Variants in ADAM17 observed in about 807,000 individuals in gnomAD.
ADAM17 encodes ADAM metallopeptidase domain 17.
A neutral mutation model predicts 96.7 loss-of-function variants in ADAM17; 39 were observed. That is an observed-to-expected ratio of 0.40 (90% CI 0.31 to 0.53). The LOEUF (loss-of-function observed/expected upper bound fraction) is 0.53. Among genes scored for constraint, ADAM17 ranks in the 20% least tolerant of loss-of-function variants. ADAM17 has a pLI of 0.44. For missense variants in ADAM17, 777 were observed against 1,013.2 expected, an observed-to-expected ratio of 0.77 and a Z score of 3.17; for synonymous variants, 344 against 359.2, an observed-to-expected ratio of 0.96 and a Z score of 0.48.
intron 6 of ADAM17, among the ~76,000 whole-genome samples, chr2:9,525,240 A>C (rs1664471968): frequency 6.7e-6 from 1 of 148,896 alleles, no homozygotes. Flanking sequence ...TGGGGGTTGC[A>C]GTGAGCTGAG....
chr2:9,503,615 C>T (rs1019065082), intron 12 of ADAM17, among the ~76,000 whole-genome samples: 1 of 151,922 alleles, frequency 6.6e-6, no homozygotes, highest in Non-Finnish European at 1.5e-5. Context: ...CTGAGGCAGG[C>T]AGATCACGAA....
At chr2:9,526,042 A>C in intron 6 of ADAM17, 69 bp downstream of exon 6, 1 of 1,409,454 alleles carries the variant, frequency 7.1e-7, no homozygotes. Context: ...ATCTGGTTGC[A>C]TTAAGTTTCA....
At chr2:9,496,507 A>T (rs921203348) in intron 14 of ADAM17, 13 of 152,382 alleles carry the variant, frequency 8.5e-5, no homozygotes, top group African/African-American at 3.1e-4. Context: ...GAGTCCAGCC[A>T]GTCCCTGACC....
chr2:9,533,577 G>T (rs781043519), intron 4 of ADAM17, among the ~76,000 whole-genome samples: 32 of 152,128 alleles, frequency 2.1e-4, no homozygotes, highest in Non-Finnish European at 2.4e-4. Flanking sequence ...TTATTCTAAG[G>T]AAATAAGCAG....
At chr2:9,545,489 G>A (rs1665369528) in intron 1 of ADAM17, among the ~76,000 whole-genome samples, 1 of 151,906 alleles carries the variant, frequency 6.6e-6, no homozygotes, top group African/African-American at 2.4e-5. Context: ...AGAACTGCTT[G>A]AACCTGGGAG....
At chr2:9,507,473 GC>G (rs946477717) in intron 11 of ADAM17, among the ~76,000 whole-genome samples, 6 of 152,140 alleles carry the variant, frequency 3.9e-5, no homozygotes, top group Non-Finnish European at 5.9e-5. Context: ...CTGCACTCCA[GC>G]CTGGGCGACA....
chr2:9,526,286 A>C (rs1426961055), intron 5 of ADAM17, 42 bp from the exon 6 acceptor site: 1 of 1,586,892 alleles, frequency 6.3e-7, no homozygotes, highest in Non-Finnish European at 8.6e-7. Context: ...AAATTCACCA[A>C]AACAAGGAGT....
rs1662030639 is a variant in ADAM17 at position 9,490,422 on chromosome 2, C to T, written c.2230G>A (p.Val744Met). Residue 744 changes from valine to methionine, a missense_variant, in exon 19 of 19, where the codon GTG becomes ATG. Coordinates refer to ENST00000310823, the MANE Select transcript of ADAM17 (RefSeq NM_003183.6). ...QTPGRLQPAP[V>M]IPSAPAAPKL... is the part of the protein sequence containing the mutation. ...GGAGCTGCTGGCGCCGAAGGGATCA[C>T]AGGGGCAGGCTGCAGGCGGCCTGGA... The T allele has an allele frequency of 1.2e-6, 2 of 1,614,050 alleles. No individual in the cohort carries two copies. The highest frequency in any genetic ancestry group is 1.7e-6 in the Non-Finnish European group (2 of 1,180,038).
At chr2:9,540,082 C>T (rs1452655713) in intron 2 of ADAM17, among the ~76,000 whole-genome samples, 1 of 152,100 alleles carries the variant, frequency 6.6e-6, no homozygotes, top group Non-Finnish European at 1.5e-5. Flanking sequence ...ATGTCATCTA[C>T]GAAACTTGAA....
chr2:9,517,873 C>G, intron 10 of ADAM17, 28 bp downstream of exon 10: 1 of 1,478,758 alleles, frequency 6.8e-7, no homozygotes, highest in South Asian at 1.3e-5. Context: ...AACTCTAACA[C>G]TATTCTTTTA....
chr2:9,518,013 T>C (rs1260298854), intron 9 of ADAM17, 24 bp from the exon 10 acceptor site: 3 of 1,580,692 alleles, frequency 1.9e-6, no homozygotes, highest in African/African-American at 2.7e-5. Context: ...GAAACAGAGA[T>C]AAATTGCTTA....
intron 4 of ADAM17, among the ~76,000 whole-genome samples, chr2:9,532,320 A>G (rs1033510652): frequency 6.6e-6 from 1 of 152,176 alleles, no homozygotes; most frequent in Non-Finnish European, 1.5e-5. Flanking sequence ...ACAGCCAATC[A>G]CCACACTTAT....
intron 10 of ADAM17, among the ~76,000 whole-genome samples, chr2:9,514,518 A>AATATAAATATATATATAT (rs1663933473): frequency 1.1e-5 from 1 of 89,884 alleles, no homozygotes; most frequent in African/African-American, 4.4e-5. Context: ...TTAAAATATA[A>AATATAAATATATATATAT]ATATATATAT....
chr2:9,553,059 TCAAA>T (rs1665630153), intron 1 of ADAM17, among the ~76,000 whole-genome samples: 1 of 151,980 alleles, frequency 6.6e-6, no homozygotes, highest in African/African-American at 2.4e-5. Flanking sequence ...TTGTAAGCTG[TCAAA>T]CAAACTGAAA....
At chr2:9,492,567 A>C (rs984222196) in intron 17 of ADAM17, among the ~76,000 whole-genome samples, 2 of 152,222 alleles carry the variant, frequency 1.3e-5, no homozygotes, top group African/African-American at 2.4e-5. Context: ...TATTGCAACG[A>C]AGTCAGCCTG....
At chr2:9,493,473 TA>T (rs1662322087) in intron 16 of ADAM17, among the ~76,000 whole-genome samples, 1 of 152,240 alleles carries the variant, frequency 6.6e-6, no homozygotes, top group South Asian at 2.1e-4. Context: ...AAACTATGCT[TA>T]TGCTAATCAC....
At chr2:9,551,750 C>T (rs1292792796) in intron 1 of ADAM17, among the ~76,000 whole-genome samples, 2 of 152,094 alleles carry the variant, frequency 1.3e-5, no homozygotes, top group Admixed American at 6.6e-5. Context: ...TGAGCCACCG[C>T]GCCTGGCCTA....
chr2:9,497,188 A>G lies in ADAM17; in HGVS notation c.1709T>C (p.Leu570Pro). Residue 570 changes from leucine to proline, a missense_variant, in exon 14 of 19, where the codon CTT (leucine) becomes CCT (proline). By Grantham distance (98) the Leu-to-Pro change is moderately conservative. Around this residue, in one of 3 missense-constraint regions of ADAM17, gnomAD observed 446 missense variants for 664.7 expected, o/e 0.67. Transcript: ENST00000310823. Reference sequence around the variant, plus strand: ...GCATTTCCCATCCTTACACTTGCCAAGATCCAAGCAAACAGTGTCATCTTC... The same window carrying G: ...GCATTTCCCATCCTTACACTTGCCAGGATCCAAGCAAACAGTGTCATCTTC... ...NAEDDTVCLD[L>P]GKCKDGKCIP... The G allele has an allele frequency of 6.2e-7, 1 of 1,614,218 alleles. No homozygotes were observed. The highest frequency in any genetic ancestry group is 8.5e-7 in the Non-Finnish European group (1 of 1,180,030).
At chr2:9,554,937 G>A (rs1436409833) in intron 1 of ADAM17, among the ~76,000 whole-genome samples, 2 of 152,020 alleles carry the variant, frequency 1.3e-5, no homozygotes, top group Non-Finnish European at 1.5e-5. Context: ...CCTCCAATAA[G>A]CTACAATTGA....
Sources: gnomAD v4.1 joint callset for allele counts (sites outside exome capture counted in the v4.1 genomes callset) on GRCh38, gnomAD v4.1.1 for gene constraint, gnomAD v4.1.1 regional missense constraint, MANE v1.5 for transcripts, NCBI Gene and HGNC (gene_info 2026-07-23, HGNC 2026-07-21) for gene names.